The following ACSM3 variants were observed in gnomAD, a reference collection of about 807,000 sequenced individuals.
ACSM3 encodes the protein acyl-coenzyme A synthetase ACSM3, mitochondrial.
In ACSM3, 61 loss-of-function variants were observed where a neutral mutation model predicts 74.1. That is an observed-to-expected ratio of 0.82 (90% CI 0.67 to 1.02). The LOEUF is 1.02. Ranked by LOEUF, ACSM3 falls within the 50% of genes least tolerant of loss-of-function variation. The probability of loss-of-function intolerance (pLI) is 0.00; values close to 1 mark genes in which losing one functional copy is unlikely to be tolerated. For missense variants in ACSM3, 660 were observed against 697.0 expected (o/e 0.95, Z 0.60); for synonymous variants, 213 against 241.5 (o/e 0.88, Z 1.09).
intron 7 of ACSM3, among the ~76,000 whole-genome samples, chr16:20,782,378 T>C (rs1271147045): frequency 6.6e-6 from 1 of 152,124 alleles, no homozygotes; most frequent in Non-Finnish European, 1.5e-5. Context: ...ATGTATAGTC[T>C]TTTATCCCTC....
chr16:20,741,982 G>A (rs2079931542), intron 1 of ACSM3: 3 of 1,514,518 alleles, frequency 2.0e-6, no homozygotes, highest in Middle Eastern at 3.4e-4. Context: ...TCCAGTAGAG[G>A]CAGCATAGCA....
At position 20,796,916 on chromosome 16, in the gene ACSM3, A is replaced by G. The variant is rs1255227285; in HGVS notation, c.1705A>G (p.Ile569Val). 15 of 1,612,918 alleles carry G rather than the reference A, an allele frequency of 9.3e-6. No homozygotes were observed. Among genetic ancestry groups the G allele is most frequent in the Non-Finnish European group, 1.3e-5 (15 of 1,179,562 alleles). Residue 569 changes from isoleucine to valine, a missense_variant, in exon 14 of 14, where the codon ATC (isoleucine) becomes GTC (valine). By Grantham distance (29) the Ile-to-Val change is conservative. Coordinates refer to ENST00000289416, the MANE Select transcript of ACSM3 (RefSeq NM_005622.4). ...ATTTATTCAAGAGCTGCCAAAGACTATCAGTGGGAAGACAAAAAGAAATGA... is the reference window on the plus strand; with the variant it reads ...ATTTATTCAAGAGCTGCCAAAGACTGTCAGTGGGAAGACAAAAAGAAATGA... ...VEFIQELPKT[I>V]SGKTKRNELR...
At chr16:20,795,479 T>A (rs2080703125) in intron 12 of ACSM3, among the ~76,000 whole-genome samples, 1 of 152,252 alleles carries the variant, frequency 6.6e-6, no homozygotes, top group Admixed American at 6.5e-5. Flanking sequence ...TAATTCCTTT[T>A]CAATGAAATC....
intron 1 of ACSM3, among the ~76,000 whole-genome samples, chr16:20,705,672 C>T (rs554808534): frequency 6.6e-6 from 1 of 152,076 alleles, no homozygotes; most frequent in Non-Finnish European, 1.5e-5. Context: ...ATATTAACGA[C>T]AATGTTCAAT....
chr16:20,761,098 CAT>C (rs1004257851), upstream of ACSM3, among the ~76,000 whole-genome samples: 3 of 148,260 alleles, frequency 2.0e-5, no homozygotes, highest in African/African-American at 7.3e-5. Flanking sequence ...AATGTATACA[CAT>C]TTTTTTTTTT....
chr16:20,691,093 T>C, intron 1 of ACSM3: 2 of 1,613,754 alleles, frequency 1.2e-6, no homozygotes, highest in Non-Finnish European at 1.7e-6. Flanking sequence ...CAAATTCTGA[T>C]AAAGACCGGC....
intron 1 of ACSM3, chr16:20,682,273 G>A: frequency 6.2e-7 from 1 of 1,613,236 alleles, no homozygotes; most frequent in Non-Finnish European, 8.5e-7. Flanking sequence ...GCGATCGGAA[G>A]TCCAGCCACC....
chr16:20,749,357 G>C (rs971409657), intron 1 of ACSM3: 3 of 152,150 alleles, frequency 2.0e-5, no homozygotes, highest in Admixed American at 6.5e-5. Flanking sequence ...CTCTCTCCAG[G>C]TTTGTGAAAA....
intron 1 of ACSM3, chr16:20,735,859 CTCT>C (rs1567329083): frequency 6.6e-6 from 1 of 152,112 alleles, no homozygotes; most frequent in African/African-American, 2.4e-5. Flanking sequence ...AGAATAAAGT[CTCT>C]TCAACTTTGT....
At chr16:20,779,338 C>T (rs569850236) in intron 4 of ACSM3, among the ~76,000 whole-genome samples, 117 of 150,140 alleles carry the variant, frequency 7.8e-4, no homozygotes, top group African/African-American at 2.7e-3. Context: ...GTAGGAAGAT[C>T]GCTTGAACCC....
At position 20,770,263 on chromosome 16, in the gene ACSM3, G is replaced by C; in HGVS notation, c.219+10G>C. On this transcript the variant is annotated intron_variant, in intron 2 of 13. Coordinates refer to ENST00000289416, the MANE Select transcript of ACSM3 (RefSeq NM_005622.4). ...GACTGATAAGGAAAAGGTATGGGGG[G>C]AGGGCCAGTCAGACCACAATTTCTC... 1 of 1,609,968 alleles carries C rather than the reference G, an allele frequency of 6.2e-7. No individual in the cohort carries two copies. Among genetic ancestry groups the C allele is most frequent in the South Asian group, 1.1e-5 (1 of 90,958 alleles).
intron 2 of ACSM3, among the ~76,000 whole-genome samples, chr16:20,772,096 T>C (rs1457041432): frequency 1.3e-5 from 2 of 152,192 alleles, no homozygotes; most frequent in Non-Finnish European, 1.5e-5. Context: ...TTTTGTTTTG[T>C]TTTGTTTTGC....
intron 4 of ACSM3, among the ~76,000 whole-genome samples, chr16:20,778,994 G>GCC (rs2080295132): frequency 2.0e-5 from 3 of 152,210 alleles, no homozygotes; most frequent in Middle Eastern, 3.4e-3. Flanking sequence ...TTCATGATCT[G>GCC]CCCGTCTCAG....
chr16:20,686,862 C>T (rs544352443), intron 1 of ACSM3, among the ~76,000 whole-genome samples: 2 of 151,440 alleles, frequency 1.3e-5, no homozygotes, highest in East Asian at 3.9e-4. Flanking sequence ...ATTGGTATGA[C>T]TGCAGTAGTA....
At chr16:20,739,671 A>C (rs573539535) in intron 1 of ACSM3, among the ~76,000 whole-genome samples, 73 of 151,960 alleles carry the variant, frequency 4.8e-4, no homozygotes, top group African/African-American at 1.7e-3. Context: ...AAATACAAAA[A>C]TTAGCCCGAT....
At chr16:20,751,855 A>G (rs1322520216) in intron 2 of ACSM3, among the ~76,000 whole-genome samples, 3 of 152,208 alleles carry the variant, frequency 2.0e-5, no homozygotes, top group Non-Finnish European at 4.4e-5. Flanking sequence ...AGCCAAACTG[A>G]TTCTAGGTAT....
intron 7 of ACSM3, among the ~76,000 whole-genome samples, chr16:20,783,918 G>C (rs1336646777): frequency 6.6e-6 from 1 of 151,670 alleles, no homozygotes; most frequent in Non-Finnish European, 1.5e-5. Context: ...CAATTCTCCT[G>C]CCTCAGCCTC....
chr16:20,702,362 G>T (rs556269923), intron 1 of ACSM3, among the ~76,000 whole-genome samples: 3 of 152,300 alleles, frequency 2.0e-5, no homozygotes, highest in Admixed American at 2.0e-4. Flanking sequence ...ACAGGCATGT[G>T]CCACCATGCC....
At position 20,717,531 on chromosome 16, in the gene ACSM3, C is replaced by A. The variant is rs964522072; in HGVS notation, c.-189-32379C>A. ...AGTTTGATTCAAATATCAAAAGGTGCCAGCTGAAGCACCTTGGTTTTCCTG... is the reference window on the plus strand; with the variant it reads ...AGTTTGATTCAAATATCAAAAGGTGACAGCTGAAGCACCTTGGTTTTCCTG... On this transcript the variant is annotated intron_variant, in intron 1 of 3. Coordinates refer to the ACSM3 transcript ENST00000561584. 4.6e-5 allele frequency among the ~76,000 whole-genome samples: 7 copies of A among 152,290 alleles called. No homozygotes were observed. The South Asian group carries it at 1.4e-3, about 32-fold the overall frequency.
Sources: allele counts gnomAD v4.1 joint callset (sites outside exome capture counted in the v4.1 genomes callset), GRCh38; gene constraint gnomAD v4.1.1; transcripts MANE v1.5; gene names NCBI Gene and HGNC (gene_info 2026-07-23, HGNC 2026-07-21).